Variants in MRM1 observed in about 807,000 individuals in gnomAD.
The protein encoded by MRM1 is mitochondrial rRNA methyltransferase 1, also known as rRNA methyltransferase 1, mitochondrial.
MRM1 carries 24 observed loss-of-function variants against 25.0 expected under a neutral mutation model. That is an observed-to-expected ratio of 0.96 (90% CI 0.69 to 1.35). The LOEUF is 1.35. Among genes scored for constraint, MRM1 ranks in the 40% most tolerant of loss-of-function variants. MRM1 has a pLI of 0.00. For missense variants in MRM1, 431 were observed against 464.1 expected, an observed-to-expected ratio of 0.93 and a Z score of 0.65; for synonymous variants, 188 against 199.2, an observed-to-expected ratio of 0.94 and a Z score of 0.47.
At chr17:36,625,121 T>C in the MRM1 span, among the ~76,000 whole-genome samples, 1 of 152,216 alleles carries the variant, frequency 6.6e-6, no homozygotes. Context: ...AGTAACAATG[T>C]GCTGGAGGAG....
At chr17:36,628,919 T>C in the MRM1 span, among the ~76,000 whole-genome samples, 1 of 151,412 alleles carries the variant, frequency 6.6e-6, no homozygotes, top group East Asian at 2.0e-4. Context: ...TGATCAAGGA[T>C]GGAGAGAGAG....
the MRM1 span, among the ~76,000 whole-genome samples, chr17:36,630,357 T>C: frequency 3.9e-5 from 6 of 152,166 alleles, no homozygotes; most frequent in Non-Finnish European, 8.8e-5. Flanking sequence ...ATGTCCACAT[T>C]TTCCCTGTTT....
the MRM1 span, among the ~76,000 whole-genome samples, chr17:36,631,247 C>T: frequency 1.7e-3 from 258 of 152,358 alleles, 1 homozygote; most frequent in African/African-American, 5.7e-3. Flanking sequence ...ATGACATCTG[C>T]CCTGCCTGTT....
the MRM1 span, among the ~76,000 whole-genome samples, chr17:36,630,444 C>T: frequency 1.7e-3 from 261 of 152,208 alleles, 2 homozygotes; most frequent in African/African-American, 6.0e-3. Context: ...TGGGGCTCTG[C>T]GGGATCTAGA....
At position 36,608,322 on chromosome 17, in the gene MRM1, C is replaced by G; in HGVS notation, c.969C>G (p.Pro323=). The G allele has an allele frequency of 6.2e-7, 1 of 1,611,246 alleles. No homozygotes were observed. The highest frequency in any genetic ancestry group is 8.5e-7 in the Non-Finnish European group (1 of 1,178,726). The stretch of plus-strand genomic sequence containing the variant: ...AGAGAAGGCAGCTTCTCCAAGACCC[C>G]CAAGAACCCTCAGCCAGGTCTGAAG... ...EGERRQLLQD[P]QEPSARSEGL... The change falls in exon 5 of 5, where the codon CCC becomes CCG. Residue 323 remains proline, a synonymous_variant. Coordinates refer to ENST00000614766, the MANE Select transcript of MRM1 (RefSeq NM_024864.5).
chr17:36,615,625 C>T, the MRM1 span, among the ~76,000 whole-genome samples: 1 of 150,762 alleles, frequency 6.6e-6, no homozygotes, highest in Non-Finnish European at 1.5e-5. Context: ...CGCTATTGCA[C>T]TCCAGCCTGG....
rs567735993 is a variant in MRM1 at position 36,607,086 on chromosome 17, G to T, written c.637-584G>T. Among the ~76,000 whole-genome samples the T allele has an allele frequency of 3.5e-4, 53 of 151,840 alleles. No homozygotes were observed. In the South Asian group the frequency reaches 0.011, roughly 31 times the overall value. ...TGCACCACCATGCCCGGCTAATTTT[G>T]TATTTTTAGTAGAGACGGGGTTTCT... is the stretch of plus-strand genomic sequence containing the variant. On this transcript the variant is annotated intron_variant, in intron 2 of 4. Coordinates refer to ENST00000614766, the MANE Select transcript of MRM1 (RefSeq NM_024864.5).
chr17:36,605,485 T>C (rs1043611791), intron 2 of MRM1, among the ~76,000 whole-genome samples: 5 of 151,848 alleles, frequency 3.3e-5, no homozygotes, highest in Admixed American at 1.3e-4. Flanking sequence ...TGGATCTCTT[T>C]TCTGTATATG....
chr17:36,625,345 T>TTCTTCTTCCTCTTCC, the MRM1 span, among the ~76,000 whole-genome samples: 9 of 151,890 alleles, frequency 5.9e-5, no homozygotes, highest in African/African-American at 2.2e-4. Flanking sequence ...CTTCGCCTTC[T>TTCTTCTTCCTCTTCC]TCTTCTTCCT....
chr17:36,625,618 C>T, the MRM1 span, among the ~76,000 whole-genome samples: 12 of 151,886 alleles, frequency 7.9e-5, no homozygotes, highest in African/African-American at 2.2e-4. Context: ...CCCACGACCA[C>T]GCCTGGCTAA....
the MRM1 span, among the ~76,000 whole-genome samples, chr17:36,622,530 C>T: frequency 6.6e-6 from 1 of 151,360 alleles, no homozygotes. Flanking sequence ...TGAGATCAAG[C>T]CACTGGACTC....
chr17:36,607,696 G>T lies in MRM1; in HGVS notation c.663G>T (p.Val221=), dbSNP rs1183543936. 9 of 1,613,994 alleles carry T rather than the reference G, an allele frequency of 5.6e-6. No individual in the cohort carries two copies. Among genetic ancestry groups the T allele is most frequent in the Non-Finnish European group, 7.6e-6 (9 of 1,180,004 alleles). ...LQTKAQQGWL[V]AGTVGCPSTE... is the part of the protein sequence containing the mutation. The stretch of plus-strand genomic sequence containing the variant: ...CCAAAGCCCAGCAGGGCTGGCTCGT[G>T]GCCGGCACGGTGGGCTGCCCAAGCA... Residue 221 remains valine (V), a synonymous_variant, in exon 3 of 5, where the codon GTG becomes GTT. Transcript: ENST00000614766.
At chr17:36,613,153 G>A, downstream of MRM1, among the ~76,000 whole-genome samples, 1 of 152,102 alleles carries the variant, frequency 6.6e-6, no homozygotes, top group Non-Finnish European at 1.5e-5. Flanking sequence ...GATCCCTGCT[G>A]CAGGCCTGGA....
the MRM1 span, among the ~76,000 whole-genome samples, chr17:36,620,946 A>T: frequency 2.0e-5 from 3 of 152,154 alleles, no homozygotes; most frequent in Non-Finnish European, 2.9e-5. Context: ...GAAGAAACAG[A>T]CTTTAGAATC....
the MRM1 span, among the ~76,000 whole-genome samples, chr17:36,625,959 C>T: frequency 2.6e-5 from 4 of 151,290 alleles, no homozygotes; most frequent in African/African-American, 9.8e-5. Context: ...AAAGCCTCCC[C>T]TGATGCTCCT....
the MRM1 span, among the ~76,000 whole-genome samples, chr17:36,616,288 C>T: frequency 1.3e-5 from 2 of 152,300 alleles, no homozygotes; most frequent in South Asian, 2.1e-4. Flanking sequence ...TCCCTGAGCA[C>T]GCCTCCAGCC....
rs532435060 is a variant in MRM1, at chr17:36,608,487, C to A, written c.*72C>A. ...ACCTGCCTCCGCCGGCTCCAGTGTG[C>A]GGGGAGCCTCTGCCTGAGTGTGCAC... On this transcript the variant is annotated 3_prime_UTR_variant, in exon 5 of 5. Transcript: ENST00000614766. 7 of 1,118,274 alleles carry A rather than the reference C, an allele frequency of 6.3e-6. No homozygotes were observed. Among genetic ancestry groups the A allele is most frequent in the Non-Finnish European group, 8.3e-6 (7 of 842,572 alleles). The allele number at this position is 1,118,274 out of a possible 1,614,324, so 69.3% of individuals were successfully genotyped here. A position where few individuals can be genotyped will look rare whatever the true frequency, so the allele number is the denominator to read the frequency against.
chr17:36,626,420 T>G, the MRM1 span, among the ~76,000 whole-genome samples: 1 of 152,286 alleles, frequency 6.6e-6, no homozygotes. Context: ...TGGAGTGCAG[T>G]GGCGTGATCT....
the MRM1 span, among the ~76,000 whole-genome samples, chr17:36,622,442 C>G: frequency 6.6e-6 from 1 of 151,840 alleles, no homozygotes; most frequent in African/African-American, 2.4e-5. Context: ...CATGGTGGTG[C>G]GCACCTGTAA....
Sources: gnomAD v4.1 joint callset for allele counts (sites outside exome capture counted in the v4.1 genomes callset) on GRCh38, gnomAD v4.1.1 for gene constraint, MANE v1.5 for transcripts, NCBI Gene and HGNC (gene_info 2026-07-23, HGNC 2026-07-21) for gene names.